Variants in DGLUCY observed in about 807,000 individuals in gnomAD.
The protein encoded by DGLUCY is D-glutamate cyclase.
In DGLUCY, 58 loss-of-function variants were observed where a neutral mutation model predicts 58.5. That is an observed-to-expected ratio of 0.99 (90% CI 0.80 to 1.23). The LOEUF (loss-of-function observed/expected upper bound fraction) is 1.23, where lower values mean the gene tolerates loss of function less well. Among genes scored for constraint, DGLUCY ranks in the 50% most tolerant of loss-of-function variants. The pLI is 0.00. For missense variants in DGLUCY, 779 were observed against 784.7 expected (o/e 0.99, Z 0.09); for synonymous variants, 325 against 314.1 (o/e 1.03, Z -0.37).
intron 1 of DGLUCY, among the ~76,000 whole-genome samples, chr14:91,102,122 C>T (rs529367138): frequency 3.9e-5 from 6 of 152,130 alleles, no homozygotes; most frequent in Non-Finnish European, 8.8e-5. Context: ...CAAATTATCA[C>T]ATATGCCTCG....
chr14:91,139,279 G>A (rs373424580), intron 1 of DGLUCY, among the ~76,000 whole-genome samples: 1 of 152,108 alleles, frequency 6.6e-6, no homozygotes, highest in African/African-American at 2.4e-5. Context: ...TTCTCTTCGA[G>A]TCCTCCGTAG....
At chr14:91,168,037 G>A (rs2048377310) in intron 4 of DGLUCY, among the ~76,000 whole-genome samples, 1 of 152,178 alleles carries the variant, frequency 6.6e-6, no homozygotes, top group African/African-American at 2.4e-5. Flanking sequence ...GGCTGAGGCA[G>A]GAGGATGGCT....
intron 1 of DGLUCY, among the ~76,000 whole-genome samples, chr14:91,092,218 A>T (rs1438116526): frequency 6.6e-6 from 1 of 152,210 alleles, no homozygotes; most frequent in Non-Finnish European, 1.5e-5. Flanking sequence ...TGACTACTGT[A>T]CTGGCCTACG....
chr14:91,169,816 C>T (rs532282104), intron 4 of DGLUCY, among the ~76,000 whole-genome samples, 187 bp from the exon 5 acceptor site: 17 of 152,022 alleles, frequency 1.1e-4, no homozygotes, highest in Admixed American at 2.6e-4. Flanking sequence ...TAATCGTTTC[C>T]GATCTGGGGA....
chr14:91,060,383 C>T (rs765224867), exon 1 of DGLUCY: 6 of 1,508,876 alleles, frequency 4.0e-6, no homozygotes, highest in South Asian at 2.5e-5. Flanking sequence ...CCGTCGCCGC[C>T]GTCCGCGCTG....
At chr14:91,209,274 A>G (rs75871288) in intron 12 of DGLUCY, among the ~76,000 whole-genome samples, 2,277 of 152,208 alleles carry the variant, frequency 0.015, 68 homozygotes, top group African/African-American at 0.053. Flanking sequence ...AAACAACAAC[A>G]ACGACGACAA....
chr14:91,087,273 A>G (rs2044237438), intron 1 of DGLUCY, among the ~76,000 whole-genome samples: 1 of 152,166 alleles, frequency 6.6e-6, no homozygotes, highest in Non-Finnish European at 1.5e-5. Flanking sequence ...ATATTTATTG[A>G]TCACCTATTG....
At chr14:91,169,117 AAAAAAG>A (rs2048433680) in intron 4 of DGLUCY, among the ~76,000 whole-genome samples, 1 of 152,014 alleles carries the variant, frequency 6.6e-6, no homozygotes, top group South Asian at 2.1e-4. Context: ...AAAAACATTA[AAAAAAG>A]AAAAAAAGAC....
intron 6 of DGLUCY, 120 bp downstream of exon 6, chr14:91,173,559 G>A (rs898802221): frequency 1.9e-5 from 25 of 1,324,002 alleles, no homozygotes; most frequent in South Asian, 7.9e-5. Context: ...AGTGTCTCTC[G>A]CTCCTGCCCA....
At chr14:91,067,539 C>T (rs1322070625) in intron 1 of DGLUCY, among the ~76,000 whole-genome samples, 1 of 151,876 alleles carries the variant, frequency 6.6e-6, no homozygotes, top group Non-Finnish European at 1.5e-5. Flanking sequence ...ACTACATTAC[C>T]AATATCTTTT....
At chr14:91,132,564 C>T (rs892979992) in intron 1 of DGLUCY, among the ~76,000 whole-genome samples, 2 of 151,978 alleles carry the variant, frequency 1.3e-5, no homozygotes, top group East Asian at 1.9e-4. Flanking sequence ...CCGCAACCTC[C>T]ACCTCCTGAG....
chr14:91,099,647 A>G (rs1399058200), intron 1 of DGLUCY, among the ~76,000 whole-genome samples: 1 of 152,096 alleles, frequency 6.6e-6, no homozygotes, highest in Non-Finnish European at 1.5e-5. Flanking sequence ...ATTCCCACTC[A>G]GTTCTGGGTA....
At chr14:91,068,677 A>G (rs2043867236) in intron 1 of DGLUCY, among the ~76,000 whole-genome samples, 1 of 152,232 alleles carries the variant, frequency 6.6e-6, no homozygotes. Flanking sequence ...CTCAAAAAAA[A>G]TAAAATAAAA....
chr14:91,173,640 A>G, intron 6 of DGLUCY: 2 of 653,084 alleles, frequency 3.1e-6, no homozygotes, highest in Non-Finnish European at 4.8e-6. Context: ...CTAAGCTCCC[A>G]TGGCTTGTCT....
upstream of DGLUCY, chr14:91,113,921 AC>A (rs1417259337): frequency 6.6e-6 from 1 of 152,174 alleles, no homozygotes; most frequent in Non-Finnish European, 1.5e-5. Flanking sequence ...TTTCAAAATT[AC>A]CCCTCTGTTG....
chr14:91,135,817 A>G (rs2046300250), intron 1 of DGLUCY, among the ~76,000 whole-genome samples: 1 of 150,398 alleles, frequency 6.6e-6, no homozygotes, highest in African/African-American at 2.4e-5. Flanking sequence ...TTGAGATAGT[A>G]TCTTTTTGCC....
intron 1 of DGLUCY, among the ~76,000 whole-genome samples, chr14:91,138,682 A>T (rs767619015): frequency 1.3e-4 from 20 of 152,100 alleles, no homozygotes; most frequent in Non-Finnish European, 1.9e-4. Context: ...AAATGTCACA[A>T]TTTTAAGCCA....
In DGLUCY at chr14:91,189,068, C is replaced by G. The variant is rs774921532; in HGVS notation, c.1093C>G (p.Leu365Val). 2.5e-6 allele frequency: 4 copies of G among 1,614,166 alleles called. No homozygotes were observed. Among genetic ancestry groups the G allele is most frequent in the Non-Finnish European group, 3.4e-6 (4 of 1,180,042 alleles). ...ETDGPPGAVA[L>V]VAFLQALEKE... Reference sequence around the variant, plus strand: ...AGATGGCCCACCAGGAGCTGTTGCTCTGGTTGCCTTCCTGCAGGCCTTGGA... The same window carrying G: ...AGATGGCCCACCAGGAGCTGTTGCTGTGGTTGCCTTCCTGCAGGCCTTGGA... The change falls in exon 9 of 14, where the codon CTG (leucine) becomes GTG (valine). Residue 365 changes from leucine (L) to valine (V), a missense_variant. Physicochemically the swap from Leu to Val is conservative, Grantham distance 32 (BLOSUM62 1). Transcript: ENST00000256324.
At chr14:91,079,814 T>C (rs1007175794) in intron 1 of DGLUCY, among the ~76,000 whole-genome samples, 1 of 152,180 alleles carries the variant, frequency 6.6e-6, no homozygotes, top group Non-Finnish European at 1.5e-5. Flanking sequence ...TTATGGTAAA[T>C]ATATATAACA....
Sources: gnomAD v4.1 joint callset for allele counts (sites outside exome capture counted in the v4.1 genomes callset) on GRCh38, gnomAD v4.1.1 for gene constraint, MANE v1.5 for transcripts, NCBI Gene and HGNC (gene_info 2026-07-23, HGNC 2026-07-21) for gene names.